Variants in CEACAM5 observed in about 807,000 individuals in gnomAD.
CEACAM5 encodes the protein CEA cell adhesion molecule 5, also known as cell adhesion molecule CEACAM5.
Under a neutral mutation model 63.0 loss-of-function variants are expected in CEACAM5, and 52 were observed. That is an observed-to-expected ratio of 0.83 (90% confidence interval 0.66 to 1.04). The LOEUF is 1.04. Among genes scored for constraint, CEACAM5 ranks in the 50% least tolerant of loss-of-function variants. The probability of loss-of-function intolerance (pLI) is 0.00; values close to 1 mark genes in which losing one functional copy is unlikely to be tolerated. For synonymous variants in CEACAM5, 357 were observed against 351.3 expected (o/e 1.02, Z -0.18); for missense variants, 790 against 864.8 (o/e 0.91, Z 1.08).
At chr19:41,721,309 G>A in intron 8 of CEACAM5, 133 bp downstream of exon 8, 1 of 995,222 alleles carries the variant, frequency 1.0e-6, no homozygotes, top group South Asian at 1.6e-5. Context: ...ATTCTATCCT[G>A]AGCCCCCTCA....
chr19:41,723,977 A>T (rs2072663871), intron 8 of CEACAM5, among the ~76,000 whole-genome samples: 1 of 151,278 alleles, frequency 6.6e-6, no homozygotes, highest in Non-Finnish European at 1.5e-5. Flanking sequence ...TTTAATTTTC[A>T]TGAAGTCCAG....
At chr19:41,715,514 A>C in intron 3 of CEACAM5, 136 bp from the exon 4 acceptor site, 3 of 1,243,746 alleles carry the variant, frequency 2.4e-6, no homozygotes, top group Non-Finnish European at 3.5e-6. Context: ...ACTCAGGCTC[A>C]GTAGATACAA....
chr19:41,727,724 C>T (rs1196441883), intron 9 of CEACAM5, among the ~76,000 whole-genome samples: 1 of 152,212 alleles, frequency 6.6e-6, no homozygotes, highest in Non-Finnish European at 1.5e-5. Context: ...ATCTTTCTTG[C>T]ATATGACTGC....
intron 6 of CEACAM5, 40 bp downstream of exon 6, chr19:41,718,422 C>G: frequency 1.9e-6 from 3 of 1,598,348 alleles, no homozygotes; most frequent in Non-Finnish European, 2.6e-6. Flanking sequence ...TGTTCTGGAG[C>G]GGAATCTGTC....
chr19:41,717,441 T>C lies in CEACAM5; in HGVS notation c.959-14T>C, dbSNP rs782217716. 6.2e-7 allele frequency: 1 copy of C among 1,607,144 alleles called. No individual in the cohort carries two copies. The highest frequency in any genetic ancestry group is 8.5e-7 in the Non-Finnish European group (1 of 1,175,662). On this transcript the variant is annotated splice_polypyrimidine_tract_variant and intron_variant, in intron 4 of 9. Coordinates refer to ENST00000221992, the MANE Select transcript of CEACAM5 (RefSeq NM_004363.6). ...GTGCCACACAGGGCAATCTTCTCTC[T>C]GTTATCTGCACAGCAGAGCCACCCA...
intron 2 of CEACAM5, among the ~76,000 whole-genome samples, chr19:41,711,743 G>T (rs149827785): frequency 2.1e-3 from 322 of 152,120 alleles, no homozygotes; most frequent in African/African-American, 7.2e-3. Flanking sequence ...CATGTTCTTC[G>T]TCTTCCTCCC....
At chr19:41,711,974 T>C (rs1555814159) in intron 2 of CEACAM5, among the ~76,000 whole-genome samples, 1 of 152,074 alleles carries the variant, frequency 6.6e-6, no homozygotes, top group Non-Finnish European at 1.5e-5. Flanking sequence ...TGTCAACAGG[T>C]CACCAGGAGA....
rs10423171 is a variant in CEACAM5, at chr19:41,721,140, C to T, written c.1990C>T (p.Arg664Cys). Reference sequence around the variant, plus strand: ...TTTTGTCTCTAACTTGGCTACTGGCCGCAATAATTCCATAGTCAAGAGCAT... The same window carrying T: ...TTTTGTCTCTAACTTGGCTACTGGCTGCAATAATTCCATAGTCAAGAGCAT... ...ACFVSNLATG[R>C]NNSIVKSITV... The change falls in exon 8 of 10, where the codon CGC (arginine) becomes TGC (cysteine). Residue 664 changes from arginine (R) to cysteine (C), a missense_variant. By Grantham distance (180) the Arg-to-Cys change is radical (BLOSUM62 -3). Coordinates refer to ENST00000221992, the MANE Select transcript of CEACAM5 (RefSeq NM_004363.6). 7.4e-6 allele frequency: 12 copies of T among 1,614,150 alleles called. No individual in the cohort carries two copies. The highest frequency in any genetic ancestry group is 6.7e-5 in the East Asian group (3 of 44,876).
chr19:41,721,851 T>C (rs536773009), intron 8 of CEACAM5, among the ~76,000 whole-genome samples: 1 of 152,338 alleles, frequency 6.6e-6, no homozygotes, highest in East Asian at 1.9e-4. Context: ...CTGAGCTGTG[T>C]CCTGGCTCTG....
intron 8 of CEACAM5, among the ~76,000 whole-genome samples, chr19:41,723,338 A>C (rs1227484473): frequency 1.3e-5 from 2 of 152,042 alleles, no homozygotes; most frequent in Non-Finnish European, 2.9e-5. Context: ...GAAAACACTT[A>C]TTGTTTTGTG....
At chr19:41,711,422 G>C (rs782132008) in intron 2 of CEACAM5, among the ~76,000 whole-genome samples, 3 of 152,166 alleles carry the variant, frequency 2.0e-5, no homozygotes, top group African/African-American at 4.8e-5. Flanking sequence ...TCTCATGAAG[G>C]GGGGAATGAG....
intron 2 of CEACAM5, among the ~76,000 whole-genome samples, chr19:41,712,525 C>T (rs936235643): frequency 3.9e-5 from 6 of 152,228 alleles, no homozygotes; most frequent in Non-Finnish European, 7.3e-5. Context: ...TCTAAATTTA[C>T]TAACATCACA....
At chr19:41,716,908 G>C (rs1453265401) in intron 4 of CEACAM5, among the ~76,000 whole-genome samples, 1 of 152,196 alleles carries the variant, frequency 6.6e-6, no homozygotes, top group Non-Finnish European at 1.5e-5. Context: ...CTCCTGGGCA[G>C]AGCTGCCCCA....
chr19:41,719,860 C>T (rs1040746659), intron 6 of CEACAM5, 70 bp from the exon 7 acceptor site: 1 of 1,599,070 alleles, frequency 6.3e-7, no homozygotes, highest in African/African-American at 1.3e-5. Context: ...GTTGCCAACT[C>T]TGATTGAAAG....
chr19:41,722,166 G>A (rs1555816341), intron 8 of CEACAM5, among the ~76,000 whole-genome samples: 1 of 152,006 alleles, frequency 6.6e-6, no homozygotes, highest in African/African-American at 2.4e-5. Context: ...GGGAGGCCAA[G>A]GCGAGTGGAT....
rs782303170 is a variant in CEACAM5, at chr19:41,715,654, C to T, written c.708C>T (p.Gly236=). The change falls in exon 4 of 10, where the codon GGC becomes GGT. Residue 236 remains glycine (G), a synonymous_variant. Transcript: ENST00000221992. Reference sequence around the variant, plus strand: ...GCTTTATTTTGTTTGCTCCAGATGGCCCGGATGCCCCCACCATTTCCCCTC... The same window carrying T: ...GCTTTATTTTGTTTGCTCCAGATGGTCCGGATGCCCCCACCATTTCCCCTC... ...SDSVILNVLY[G]PDAPTISPLN... is the part of the protein sequence containing the mutation. 1.8e-5 allele frequency: 29 copies of T among 1,614,046 alleles called. No individual in the cohort carries two copies. The highest frequency in any genetic ancestry group is 2.4e-5 in the Non-Finnish European group (28 of 1,180,028).
intron 4 of CEACAM5, among the ~76,000 whole-genome samples, chr19:41,717,148 G>A (rs2072539650): frequency 6.6e-6 from 1 of 152,250 alleles, no homozygotes; most frequent in African/African-American, 2.4e-5. Context: ...CAGGCAGCCA[G>A]CCAGTCAGGA....
rs781860643 is a variant in CEACAM5, at chr19:41,717,749, T to C, written c.1237+16T>C. 6.2e-6 allele frequency: 10 copies of C among 1,611,112 alleles called. No homozygotes were observed. In the East Asian group the frequency reaches 2.2e-4, roughly 36 times the overall value. The stretch of plus-strand genomic sequence containing the variant: ...AATGTCCTCTGTGAGTATCTTCTGT[T>C]CCTCTGTGGCTCAGGCTGCCAGCCC... On this transcript the variant is annotated intron_variant, in intron 5 of 9. Transcript: ENST00000221992.
In CEACAM5 at chr19:41,720,316, C is replaced by A. The variant is rs2072598992; in HGVS notation, c.1771+108C>A. On this transcript the variant is annotated intron_variant, in intron 7 of 9. Transcript: ENST00000221992. ...GGTCCAAAGAGGCAGACTCCCACCCCTGGACACCCAGGCTGGCCATAACTT... is the reference window on the plus strand; with the variant it reads ...GGTCCAAAGAGGCAGACTCCCACCCATGGACACCCAGGCTGGCCATAACTT... 13 of 1,352,112 alleles carry A rather than the reference C, an allele frequency of 9.6e-6. No homozygotes were observed. In the South Asian group the frequency reaches 1.8e-4, roughly 18 times the overall value. The allele number at this position is 1,352,112 out of a possible 1,614,324, so 83.8% of individuals were successfully genotyped here.
Sources: allele counts gnomAD v4.1 joint callset (sites outside exome capture counted in the v4.1 genomes callset), GRCh38; gene constraint gnomAD v4.1.1; transcripts MANE v1.5; gene names NCBI Gene and HGNC (gene_info 2026-07-23, HGNC 2026-07-21).